The following ALG13 variants were observed in gnomAD, a reference collection of about 807,000 sequenced individuals.
ALG13 encodes ALG13 UDP-N-acetylglucosaminyltransferase subunit, also known as UDP-N-acetylglucosamine transferase subunit ALG13.
A neutral mutation model predicts 87.8 loss-of-function variants in ALG13; 11 were observed. That is an observed-to-expected ratio of 0.13 (90% CI 0.08 to 0.21). The LOEUF (loss-of-function observed/expected upper bound fraction) is 0.21. Ranked by LOEUF, ALG13 falls within the 10% of genes least tolerant of loss-of-function variation. ALG13 has a pLI of 1.00. For synonymous variants in ALG13, 320 were observed against 306.3 expected, an observed-to-expected ratio of 1.04 and a Z score of -0.47; for missense variants, 756 against 866.1, an observed-to-expected ratio of 0.87 and a Z score of 1.60.
At chrX:111,731,491 G>T (rs971914724) in intron 21 of ALG13, among the ~76,000 whole-genome samples, 1 of 111,576 alleles carries the variant, frequency 9.0e-6, no homozygotes, top group African/African-American at 3.3e-5. Flanking sequence ...TCATTTTCTG[G>T]GGCTCTTGGT....
chrX:111,682,684 A>G (rs901896464), intron 2 of ALG13, among the ~76,000 whole-genome samples: 2 of 112,171 alleles, frequency 1.8e-5, no homozygotes, highest in African/African-American at 3.2e-5. Flanking sequence ...AGAGGAGCAA[A>G]ATAATTTACC....
At chrX:111,682,364 G>C (rs756472730) in intron 2 of ALG13, 70 bp downstream of exon 2, 12 of 891,522 alleles carry the variant, frequency 1.3e-5, no homozygotes, top group Non-Finnish European at 1.7e-5. Flanking sequence ...GGGGTATTCT[G>C]GGGGTACATG....
chrX:111,735,025 T>C, intron 21 of ALG13, 26 bp from the exon 22 acceptor site: 1 of 989,227 alleles, frequency 1.0e-6, no homozygotes, highest in Non-Finnish European at 1.4e-6. Context: ...TTTGTTTTTT[T>C]ATTTAACTAT....
intron 23 of ALG13, among the ~76,000 whole-genome samples, chrX:111,740,144 G>C (rs1415619338): frequency 1.8e-5 from 2 of 111,448 alleles, no homozygotes; most frequent in African/African-American, 6.5e-5. Context: ...TGTAGATGTA[G>C]TTATTTTTTT....
chrX:111,716,326 G>C (rs1009468597), intron 8 of ALG13, among the ~76,000 whole-genome samples: 1 of 111,680 alleles, frequency 9.0e-6, no homozygotes, highest in African/African-American at 3.3e-5. Context: ...GCCTTGTTTT[G>C]CCTCTTCCAG....
At position 111,716,435 on chromosome X, in the gene ALG13, C is replaced by T. The variant is rs192177155; in HGVS notation, c.1006-1411C>T. ...ATTCATCACTCTGGTTAACTGGATT[C>T]CTTTATTCCTTAACAACTGCCTCTA... On this transcript the variant is annotated intron_variant, in intron 8 of 26. Coordinates refer to ENST00000394780, the MANE Select transcript of ALG13 (RefSeq NM_001099922.3). Among the ~76,000 whole-genome samples, 25 of 112,177 alleles carry T rather than the reference C, an allele frequency of 2.2e-4. No individual in the cohort carries two copies. In the East Asian group the frequency reaches 6.7e-3, roughly 30 times the overall value.
chrX:111,681,781 A>G (rs1462278024), intron 1 of ALG13: 2 of 824,936 alleles, frequency 2.4e-6, no homozygotes, highest in Non-Finnish European at 2.9e-6. Context: ...TCCTCTCCTC[A>G]GCGCGCGTCG....
rs752715633 is a variant in ALG13 at position 111,682,889 on chromosome X, T to C, written c.244+595T>C. On this transcript the variant is annotated intron_variant, in intron 2 of 26. Transcript: ENST00000394780. ...TACATACTGTGTAAATTGTTTCCTC[T>C]TCAGAGGACCGCCCTGATGGTCTAG... Among the ~76,000 whole-genome samples the C allele has an allele frequency of 1.4e-4, 16 of 112,208 alleles. No homozygotes were observed. The East Asian group carries it at 4.5e-3, about 31-fold the overall frequency.
At chrX:111,757,456 C>A (rs752634188) in intron 25 of ALG13, 132 bp from the exon 26 acceptor site, 191 of 456,706 alleles carry the variant, frequency 4.2e-4, no homozygotes, top group Non-Finnish European at 5.8e-4. Context: ...TCAAAAAAGT[C>A]ATTGCTACCT....
chrX:111,757,809 T>C, intron 26 of ALG13, 47 bp downstream of exon 26: 1 of 1,104,229 alleles, frequency 9.1e-7, no homozygotes, highest in Non-Finnish European at 1.2e-6. Flanking sequence ...TTGGATTTTA[T>C]TGTGTGTAAT....
intron 1 of ALG13, 65 bp downstream of exon 1, chrX:111,681,364 A>AG (rs1933096113): frequency 4.2e-6 from 5 of 1,202,522 alleles, no homozygotes; most frequent in Non-Finnish European, 5.6e-6. Context: ...CCATACTGCC[A>AG]GCCGCGTTAG....
At chrX:111,734,981 T>C in intron 21 of ALG13, 70 bp from the exon 22 acceptor site, 1 of 756,122 alleles carries the variant, frequency 1.3e-6, no homozygotes, top group Non-Finnish European at 2.0e-6. Flanking sequence ...CATATAGTTT[T>C]AAAATATGTT....
intron 2 of ALG13, 42 bp from the exon 3 acceptor site, chrX:111,684,923 T>C: frequency 8.6e-7 from 1 of 1,161,242 alleles, no homozygotes; most frequent in African/African-American, 1.8e-5. Flanking sequence ...GGACCTTAAC[T>C]TATTTCAAAT....
chrX:111,750,647 GTTTA>G (rs201090119), intron 24 of ALG13, among the ~76,000 whole-genome samples: 1 of 108,837 alleles, frequency 9.2e-6, no homozygotes, highest in Non-Finnish European at 1.9e-5. Flanking sequence ...TTGTTTGTTT[GTTTA>G]TTTACTTATT....
At chrX:111,727,223 T>C in intron 16 of ALG13, 109 bp from the exon 17 acceptor site, 2 of 885,363 alleles carry the variant, frequency 2.3e-6, no homozygotes, top group Non-Finnish European at 1.6e-6. Flanking sequence ...CAGAGCTCTT[T>C]CTAGTTGAAT....
intron 5 of ALG13, among the ~76,000 whole-genome samples, chrX:111,710,713 T>A (rs1203347761): frequency 8.9e-6 from 1 of 112,176 alleles, no homozygotes; most frequent in Non-Finnish European, 1.9e-5. Flanking sequence ...TATTTATTTT[T>A]TGAGATGGAG....
At chrX:111,758,530 C>G (rs1055197114) in intron 26 of ALG13, among the ~76,000 whole-genome samples, 1 of 112,229 alleles carries the variant, frequency 8.9e-6, no homozygotes, top group African/African-American at 3.2e-5. Flanking sequence ...ATAAGTAGAG[C>G]TGAATGTAGT....
In ALG13 at chrX:111,720,132, A is replaced by G. The variant is rs764574248; in HGVS notation, c.1288A>G (p.Ile430Val). 1.4e-5 allele frequency: 17 copies of G among 1,196,313 alleles called. No individual in the cohort carries two copies. The highest frequency in any genetic ancestry group is 1.7e-5 in the Non-Finnish European group (15 of 887,137). ...EWGACYNAEN[I>V]PEGYNKGTEE... ...GGGTGCCTGCTACAATGCTGAAAAT[A>G]TACCAGAGGGCTACAATAAAGGAAC... The change falls in exon 11 of 27, where the codon ATA becomes GTA. Residue 430 changes from isoleucine to valine, a missense_variant. By Grantham distance (29) the Ile-to-Val change is conservative. Transcript: ENST00000394780.
Position 111,688,374 on chromosome X carries a change from TA to T in ALG13, c.383+3278del, listed in dbSNP as rs796079996. ...AAATGAAACAGTAACAACTTTTATG[TA>T]AAAAAATTTTACATAAGAGTTAGCA... On this transcript the variant is annotated intron_variant, in intron 3 of 26. Transcript: ENST00000394780. The T allele has an allele frequency of 7.3e-4, 528 of 721,569 alleles. 8 individuals are homozygous for T. The South Asian group carries it at 0.034, about 46-fold the overall frequency. The allele number at this position is 721,569 out of a possible 1,213,427, so 59.5% of individuals were successfully genotyped here. A position where few individuals can be genotyped will look rare whatever the true frequency, so the allele number is the denominator to read the frequency against.
Sources: allele counts gnomAD v4.1 joint callset (sites outside exome capture counted in the v4.1 genomes callset), GRCh38; gene constraint gnomAD v4.1.1; transcripts MANE v1.5; gene names NCBI Gene and HGNC (gene_info 2026-07-23, HGNC 2026-07-21).